The following PCNX2 variants were observed in gnomAD, a reference collection of about 807,000 sequenced individuals.
PCNX2 encodes pecanex-like protein 2.
Under a neutral mutation model 223.8 loss-of-function variants are expected in PCNX2, and 168 were observed. The ratio of observed to expected loss-of-function variants is 0.75; its 90% CI spans 0.66 to 0.85. The LOEUF (loss-of-function observed/expected upper bound fraction) is 0.85, where lower values mean the gene tolerates loss of function less well. PCNX2 is among the 40% of genes least tolerant of loss of function. The probability of loss-of-function intolerance (pLI) is 0.00; values close to 1 mark genes in which losing one functional copy is unlikely to be tolerated. For missense variants in PCNX2, 2,507 were observed against 2,675.5 expected (o/e 0.94, Z 1.39); for synonymous variants, 1,006 against 1,052.6 (o/e 0.96, Z 0.86).
intron 10 of PCNX2, among the ~76,000 whole-genome samples, chr1:233,222,134 G>C (rs1323269578): frequency 6.6e-6 from 1 of 152,206 alleles, no homozygotes; most frequent in Non-Finnish European, 1.5e-5. Flanking sequence ...GGAGACGAAT[G>C]TTCCATGCGC....
At chr1:233,153,626 C>G (rs1218129679) in intron 19 of PCNX2, among the ~76,000 whole-genome samples, 1 of 152,092 alleles carries the variant, frequency 6.6e-6, no homozygotes, top group Non-Finnish European at 1.5e-5. Context: ...AAATTCTTAT[C>G]TTTTATAATG....
intron 15 of PCNX2, among the ~76,000 whole-genome samples, chr1:233,197,217 C>G (rs1680786460): frequency 6.6e-6 from 1 of 152,016 alleles, no homozygotes; most frequent in Non-Finnish European, 1.5e-5. Context: ...TAAAACTAAC[C>G]AAACTGGACA....
intron 25 of PCNX2, among the ~76,000 whole-genome samples, chr1:233,050,671 C>T (rs1267147293): frequency 1.3e-5 from 2 of 152,154 alleles, no homozygotes; most frequent in African/African-American, 4.8e-5. Flanking sequence ...TCACCATATA[C>T]AAAAATTAAC....
chr1:233,015,795 T>G (rs1413441361), intron 27 of PCNX2, among the ~76,000 whole-genome samples: 6 of 151,976 alleles, frequency 3.9e-5, no homozygotes, highest in Non-Finnish European at 8.8e-5. Context: ...GATCACTTGA[T>G]CCTAGGAGTT....
chr1:233,135,222 T>C, intron 20 of PCNX2, 32 bp from the exon 21 acceptor site: 3 of 1,594,840 alleles, frequency 1.9e-6, no homozygotes, highest in Non-Finnish European at 2.6e-6. Flanking sequence ...ATGCAATCAA[T>C]GACAGTGTGC....
At chr1:233,230,887 T>C (rs891502262) in intron 9 of PCNX2, among the ~76,000 whole-genome samples, 2 of 152,158 alleles carry the variant, frequency 1.3e-5, no homozygotes, top group African/African-American at 2.4e-5. Context: ...ATTTTTGAAA[T>C]CTAAGAATAA....
At chr1:233,167,829 G>A in intron 17 of PCNX2, 1 of 966,188 alleles carries the variant, frequency 1.0e-6, no homozygotes. Context: ...TGGTTTTCTT[G>A]TTAAATAACT....
chr1:233,065,121 G>A (rs6424273), intron 23 of PCNX2, among the ~76,000 whole-genome samples: 31,986 of 151,988 alleles, frequency 0.21, 5,465 homozygotes, highest in African/African-American at 0.47. Context: ...CATTCCCTCA[G>A]TGCTTTTCTG....
At chr1:233,115,547 T>C (rs1675359381) in intron 21 of PCNX2, among the ~76,000 whole-genome samples, 1 of 152,214 alleles carries the variant, frequency 6.6e-6, no homozygotes, top group Non-Finnish European at 1.5e-5. Context: ...CCTCAGTTCC[T>C]GTCACCTGAT....
chr1:233,291,548 C>A (rs370158693), intron 1 of PCNX2: 1 of 469,362 alleles, frequency 2.1e-6, no homozygotes, highest in Non-Finnish European at 2.7e-6. Context: ...GTGGAGGTTG[C>A]GGTGAGCCGA....
chr1:233,023,183 T>A (rs1670957212), intron 26 of PCNX2, among the ~76,000 whole-genome samples: 2 of 152,182 alleles, frequency 1.3e-5, no homozygotes, highest in Admixed American at 6.5e-5. Flanking sequence ...TCCTGCCTCC[T>A]GAAAACTAAA....
chr1:233,206,210 G>A (rs1312533612), intron 13 of PCNX2, among the ~76,000 whole-genome samples: 1 of 152,120 alleles, frequency 6.6e-6, no homozygotes, highest in Non-Finnish European at 1.5e-5. Flanking sequence ...TACCCAAGAG[G>A]GAGTGTGGAG....
At position 233,179,164 on chromosome 1, in the gene PCNX2, G is replaced by T; in HGVS notation, c.3078C>A (p.Ser1026Arg). ...VCFSAVKEPW[S>R]MQHIPALFSA... is the part of the protein sequence containing the mutation. ...AAAACAGTGCCGGGATGTGTTGCATGCTCCACGGTTCCTAAAGAAAAGACA... is the reference window on the plus strand; with the variant it reads ...AAAACAGTGCCGGGATGTGTTGCATTCTCCACGGTTCCTAAAGAAAAGACA... The change falls in exon 16 of 34, where the codon AGC becomes AGA. Residue 1026 changes from serine to arginine, a missense_variant. Around this residue, in one of 3 missense-constraint regions of PCNX2, gnomAD observed 1,372 missense variants for 1,509.4 expected, o/e 0.91. Transcript: ENST00000258229. The T allele has an allele frequency of 6.2e-7, 1 of 1,613,762 alleles. No homozygotes were observed. Among genetic ancestry groups the T allele is most frequent in the Non-Finnish European group, 8.5e-7 (1 of 1,179,746 alleles).
intron 21 of PCNX2, among the ~76,000 whole-genome samples, chr1:233,114,208 C>G (rs1675277190): frequency 6.6e-6 from 1 of 152,130 alleles, no homozygotes; most frequent in South Asian, 2.1e-4. Flanking sequence ...CAATATGAAA[C>G]TGGGTGGGTC....
chr1:233,208,841 A>AAAAAAAAAAAAG, intron 12 of PCNX2, 152 bp from the exon 13 acceptor site: 1 of 316,788 alleles, frequency 3.2e-6, no homozygotes, highest in African/African-American at 2.3e-5. Context: ...AAAAAAAAAA[A>AAAAAAAAAAAAG]AAAAAAAAAA....
At chr1:233,324,585 A>T in the PCNX2 span, among the ~76,000 whole-genome samples, 2 of 148,830 alleles carry the variant, frequency 1.3e-5, no homozygotes, top group African/African-American at 5.0e-5. Context: ...TGTTTACAGG[A>T]TGGTTTACTG....
At chr1:233,062,434 AAAATT>A (rs1672440510) in intron 23 of PCNX2, among the ~76,000 whole-genome samples, 1 of 152,202 alleles carries the variant, frequency 6.6e-6, no homozygotes, top group Non-Finnish European at 1.5e-5. Context: ...TTTTTTAAAT[AAAATT>A]TCTTTTTTTC....
At chr1:233,145,558 G>A (rs949791492) in intron 19 of PCNX2, among the ~76,000 whole-genome samples, 1 of 151,962 alleles carries the variant, frequency 6.6e-6, no homozygotes, top group Non-Finnish European at 1.5e-5. Context: ...TTTTCTGCTT[G>A]AGAAATTCCT....
intron 23 of PCNX2, 187 bp from the exon 24 acceptor site, chr1:233,057,477 T>C: frequency 1.8e-6 from 1 of 567,316 alleles, no homozygotes; most frequent in South Asian, 2.2e-5. Flanking sequence ...GAGGGAGCAG[T>C]ACAAGAAACA....
Sources: allele counts gnomAD v4.1 joint callset (sites outside exome capture counted in the v4.1 genomes callset), GRCh38; gene constraint gnomAD v4.1.1; regional missense constraint gnomAD v4.1.1; transcripts MANE v1.5; gene names NCBI Gene and HGNC (gene_info 2026-07-23, HGNC 2026-07-21).